CD48: variants seen among roughly 807,000 people sequenced by gnomAD.
CD48 encodes the protein CD48 antigen.
In CD48, 20 loss-of-function variants were observed where a neutral mutation model predicts 22.0. The ratio of observed to expected loss-of-function variants is 0.91; its 90% CI spans 0.64 to 1.32. The LOEUF is 1.32. Ranked by LOEUF, CD48 falls within the 40% of genes most tolerant of loss-of-function variation. The pLI is 0.00. For missense variants in CD48, 307 were observed against 286.5 expected (o/e 1.07, Z -0.52); for synonymous variants, 110 against 110.1 (o/e 1.00, Z 0.01).
At chr1:160,709,492 T>G (rs1382866965) in intron 1 of CD48, among the ~76,000 whole-genome samples, 1 of 152,210 alleles carries the variant, frequency 6.6e-6, no homozygotes, top group Non-Finnish European at 1.5e-5. Flanking sequence ...GGAACCCAGA[T>G]AGAACTAGGT....
chr1:160,703,460 T>C (rs1047435834), intron 1 of CD48, among the ~76,000 whole-genome samples: 11 of 152,110 alleles, frequency 7.2e-5, no homozygotes, highest in Non-Finnish European at 1.3e-4. Context: ...GGGGATGGCC[T>C]GGAGAATGAT....
At chr1:160,684,781 T>C (rs1398168449) in intron 2 of CD48, 106 bp downstream of exon 2, 1 of 1,612,864 alleles carries the variant, frequency 6.2e-7, no homozygotes, top group Non-Finnish European at 8.5e-7. Context: ...TCCTGAGGTT[T>C]TTCTCTCCTC....
intron 1 of CD48, among the ~76,000 whole-genome samples, chr1:160,695,002 G>A (rs35416300): frequency 0.016 from 2,397 of 152,294 alleles, 14 homozygotes; most frequent in South Asian, 0.045. Context: ...TGTAAATGCC[G>A]TAATTCAACC....
chr1:160,698,558 T>C (rs557086887), intron 1 of CD48, among the ~76,000 whole-genome samples: 1 of 152,094 alleles, frequency 6.6e-6, no homozygotes, highest in Non-Finnish European at 1.5e-5. Context: ...TGATCAAAAA[T>C]TGGCAAGTCA....
chr1:160,681,502 G>T, intron 2 of CD48, 34 bp from the exon 3 acceptor site: 2 of 1,604,172 alleles, frequency 1.2e-6, no homozygotes, highest in Non-Finnish European at 1.7e-6. Flanking sequence ...AGATGAGACA[G>T]TGAGGCATTC....
At chr1:160,689,639 T>C (rs1273821727) in intron 1 of CD48, among the ~76,000 whole-genome samples, 7 of 152,324 alleles carry the variant, frequency 4.6e-5, no homozygotes, top group East Asian at 1.9e-4. Context: ...GGAGGATTGA[T>C]TTACACCTAT....
chr1:160,692,914 T>G (rs1319906812), intron 1 of CD48, among the ~76,000 whole-genome samples: 1 of 152,166 alleles, frequency 6.6e-6, no homozygotes, highest in African/African-American at 2.4e-5. Context: ...CTCATGGACA[T>G]AGACTCATTC....
intron 1 of CD48, among the ~76,000 whole-genome samples, chr1:160,703,000 C>G (rs890980218): frequency 1.3e-5 from 2 of 152,138 alleles, no homozygotes; most frequent in African/African-American, 4.8e-5. Flanking sequence ...GTAAAAGGAA[C>G]AGGAGCTTGG....
chr1:160,695,618 CAGACTT>C (rs1222892588), intron 1 of CD48, among the ~76,000 whole-genome samples: 2 of 152,234 alleles, frequency 1.3e-5, no homozygotes, highest in African/African-American at 4.8e-5. Context: ...AGAGGAGACT[CAGACTT>C]AAATAGTAAA....
chr1:160,685,209 T>G lies in CD48; in HGVS notation c.83-20A>C, dbSNP rs371783930. On this transcript the variant is annotated intron_variant, in intron 1 of 3. Transcript: ENST00000368046. ...AGTGACCTGCCAATGAGATTCAGAG[T>G]GAGACCTGCGCTAGAGGAGGCAGTG... The G allele has an allele frequency of 2.5e-6, 4 of 1,586,566 alleles. No homozygotes were observed. In the African/African-American group the frequency reaches 5.4e-5, roughly 21 times the overall value.
chr1:160,685,425 C>T (rs1452287266), intron 1 of CD48, among the ~76,000 whole-genome samples: 1 of 152,094 alleles, frequency 6.6e-6, no homozygotes, highest in Non-Finnish European at 1.5e-5. Context: ...AGTACTGTCC[C>T]CAGAAAATGA....
chr1:160,685,212 G>T (rs1198630230), intron 1 of CD48, 23 bp from the exon 2 acceptor site: 5 of 1,581,588 alleles, frequency 3.2e-6, no homozygotes, highest in Non-Finnish European at 4.3e-6. Flanking sequence ...TTCAGAGTGA[G>T]ACCTGCGCTA....
At chr1:160,690,016 G>T (rs1043927787) in intron 1 of CD48, among the ~76,000 whole-genome samples, 27 of 152,210 alleles carry the variant, frequency 1.8e-4, no homozygotes, top group African/African-American at 6.5e-4. Flanking sequence ...AATTGGGAGT[G>T]TGGAGTAGTT....
At chr1:160,687,400 GTAA>G (rs1558032463) in intron 1 of CD48, among the ~76,000 whole-genome samples, 3 of 152,182 alleles carry the variant, frequency 2.0e-5, no homozygotes, top group South Asian at 2.1e-4. Flanking sequence ...AGAGATTAAA[GTAA>G]AGACAGGCAT....
chr1:160,690,917 C>G (rs1366432360), intron 1 of CD48, among the ~76,000 whole-genome samples: 1 of 152,118 alleles, frequency 6.6e-6, no homozygotes, highest in African/African-American at 2.4e-5. Flanking sequence ...TGACCTTACC[C>G]CCAACCCCGT....
At position 160,681,048 on chromosome 1, in the gene CD48, T is replaced by G. The variant is rs1051675500; in HGVS notation, c.652+154A>C. Reference sequence around the variant, plus strand: ...GCTGGCTGGGAGGTGGTGGTAGAGCTGGTGGCAGAACCCACGTCTCCCAGC... The same window carrying G: ...GCTGGCTGGGAGGTGGTGGTAGAGCGGGTGGCAGAACCCACGTCTCCCAGC... On this transcript the variant is annotated intron_variant, in intron 3 of 3. Transcript: ENST00000368046. The G allele has an allele frequency of 3.3e-6, 5 of 1,500,390 alleles. No individual in the cohort carries two copies. The African/African-American group carries it at 4.2e-5, about 13-fold the overall frequency. The allele number at this position is 1,500,390 out of a possible 1,614,324, so 92.9% of individuals were successfully genotyped here. A position where few individuals can be genotyped will look rare whatever the true frequency, so the allele number is the denominator to read the frequency against.
rs1228384655 is a variant in CD48, at chr1:160,695,156, C to T, written c.83-9967G>A. 1.3e-4 allele frequency among the ~76,000 whole-genome samples: 20 copies of T among 152,274 alleles called. No individual in the cohort carries two copies. In the East Asian group the frequency reaches 2.1e-3, roughly 16 times the overall value. The stretch of plus-strand genomic sequence containing the variant: ...GAAAAATTTGCCTTTACTATACCAG[C>T]CATAAATAATAAAGAACCAGCCACC... On this transcript the variant is annotated intron_variant, in intron 1 of 3. Transcript: ENST00000368046.
intron 2 of CD48, among the ~76,000 whole-genome samples, chr1:160,682,532 AAGGGAGGG>A (rs373212773): frequency 4.9e-5 from 7 of 142,422 alleles, no homozygotes; most frequent in South Asian, 2.5e-4. Context: ...AAAGAAAAAG[AAGGGAGGG>A]AGGGAGGGAG....
At chr1:160,711,624 T>C in intron 1 of CD48, 58 bp downstream of exon 1, 2 of 1,337,866 alleles carry the variant, frequency 1.5e-6, no homozygotes, top group South Asian at 1.2e-5. Context: ...CGTCTCCCCT[T>C]TCCCAACTGA....
Sources: gnomAD v4.1 joint callset for allele counts (sites outside exome capture counted in the v4.1 genomes callset) on GRCh38, gnomAD v4.1.1 for gene constraint, MANE v1.5 for transcripts, NCBI Gene and HGNC (gene_info 2026-07-23, HGNC 2026-07-21) for gene names.